The following ZKSCAN7 variants were observed in gnomAD, a reference collection of about 807,000 sequenced individuals.
The protein encoded by ZKSCAN7 is zinc finger with KRAB and SCAN domains 7.
In ZKSCAN7, 38 loss-of-function variants were observed where a neutral mutation model predicts 65.3. The ratio of observed to expected loss-of-function variants is 0.58; its 90% CI spans 0.45 to 0.76. The LOEUF is 0.76. Among genes scored for constraint, ZKSCAN7 ranks in the 30% least tolerant of loss-of-function variants. The pLI, the probability that ZKSCAN7 is intolerant of heterozygous loss-of-function variation, is 0.00. For missense variants in ZKSCAN7, 815 were observed against 913.3 expected (o/e 0.89, Z 1.39); for synonymous variants, 321 against 321.0 (o/e 1.00, Z 0.00).
chr3:44,580,588 C>A (rs1700049685), intron 5 of ZKSCAN7: 8 of 1,613,772 alleles, frequency 5.0e-6, no homozygotes, highest in Non-Finnish European at 5.9e-6. Context: ...CGGGGATAGA[C>A]CATGAGCATC....
At position 44,571,176 on chromosome 3, in the gene ZKSCAN7, A is replaced by G; in HGVS notation, c.2066A>G (p.Lys689Arg). The change falls in exon 6 of 6, where the codon AAA becomes AGA. Residue 689 changes from lysine (K) to arginine (R), a missense_variant. Transcript: ENST00000426540. ...MVHQRTHTGE[K>R]PYKCNDCGKA... ...CATCAGAGAACCCATACTGGGGAAA[A>G]ACCCTATAAATGCAATGATTGTGGG... 1 of 1,614,190 alleles carries G rather than the reference A, an allele frequency of 6.2e-7. No individual in the cohort carries two copies. Among genetic ancestry groups the G allele is most frequent in the Non-Finnish European group, 8.5e-7 (1 of 1,180,030 alleles).
chr3:44,560,506 CTTTTTTTTTTTTT>C (rs33986362), intron 2 of ZKSCAN7, among the ~76,000 whole-genome samples: 7 of 108,404 alleles, frequency 6.5e-5, no homozygotes, highest in African/African-American at 2.7e-4. Flanking sequence ...TTTCCTGTAT[CTTTTTTTTTTTTT>C]TTTTTTTTTT....
At position 44,570,108 on chromosome 3, in the gene ZKSCAN7, G is replaced by C. The variant is rs751929004; in HGVS notation, c.998G>C (p.Arg333Thr). 2.5e-6 allele frequency: 4 copies of C among 1,613,786 alleles called. No homozygotes were observed. The African/African-American group carries it at 4.0e-5, about 16-fold the overall frequency. Residue 333 changes from arginine (R) to threonine (T), a missense_variant, in exon 6 of 6, where the codon AGA (arginine) becomes ACA (threonine). By Grantham distance (71) the Arg-to-Thr change is moderately conservative. This residue lies in a region of ZKSCAN7 where 578 missense variants were observed against 629.5 expected (regional missense o/e 0.92). Coordinates refer to ENST00000426540, the MANE Select transcript of ZKSCAN7 (RefSeq NM_001288590.2). ...EGQTSDEEGS[R>T]LENDFLEITD... ...CAAACCTCAGATGAAGAAGGGAGCA[G>C]ACTAGAAAATGATTTCTTGGAAATA...
At chr3:44,580,648 C>G (rs888686078) in intron 5 of ZKSCAN7, 1 of 1,613,950 alleles carries the variant, frequency 6.2e-7, no homozygotes, top group Admixed American at 1.7e-5. Flanking sequence ...ATGAAATGCT[C>G]CTTCTCAGGC....
At chr3:44,580,584 T>C in intron 5 of ZKSCAN7, 1 of 1,613,934 alleles carries the variant, frequency 6.2e-7, no homozygotes, top group Non-Finnish European at 8.5e-7. Context: ...GGTCCGGGGA[T>C]AGACCATGAG....
chr3:44,565,475 C>A lies in ZKSCAN7; in HGVS notation c.424-12C>A. Reference sequence around the variant, plus strand: ...TGCTCTTTTGAACCCAATTGTATTTCCCTCTCTCTAGGTTTCAGCCCCAGC... The same window carrying A: ...TGCTCTTTTGAACCCAATTGTATTTACCTCTCTCTAGGTTTCAGCCCCAGC... On this transcript the variant is annotated splice_polypyrimidine_tract_variant and intron_variant, in intron 2 of 5. Transcript: ENST00000426540. 2 of 1,592,568 alleles carry A rather than the reference C, an allele frequency of 1.3e-6. No individual in the cohort carries two copies. Among genetic ancestry groups the A allele is most frequent in the South Asian group, 1.1e-5 (1 of 87,392 alleles).
At chr3:44,556,403 C>A (rs1254791845) in intron 1 of ZKSCAN7, among the ~76,000 whole-genome samples, 2 of 152,204 alleles carry the variant, frequency 1.3e-5, no homozygotes. Flanking sequence ...TGTGTGGCTT[C>A]TAAGTGTGTC....
At chr3:44,581,244 C>T (rs914154896) in intron 5 of ZKSCAN7, among the ~76,000 whole-genome samples, 28 of 148,244 alleles carry the variant, frequency 1.9e-4, no homozygotes, top group African/African-American at 6.8e-4. Flanking sequence ...ACCGCCGCCG[C>T]CCAGCCGCCG....
chr3:44,556,917 C>CT lies in ZKSCAN7; in HGVS notation c.-118-11dup, dbSNP rs1329509265. 8.2e-7 allele frequency: 1 copy of CT among 1,219,030 alleles called. No individual in the cohort carries two copies. The highest frequency in any genetic ancestry group is 1.2e-6 in the Non-Finnish European group (1 of 848,342). The allele number at this position is 1,219,030 out of a possible 1,614,324, so 75.5% of individuals were successfully genotyped here. On this transcript the variant is annotated splice_polypyrimidine_tract_variant and intron_variant, in intron 1 of 5. Coordinates refer to ENST00000426540, the MANE Select transcript of ZKSCAN7 (RefSeq NM_001288590.2). ...ATACTCCAAGAACTCTGATTTCACT[C>CT]TTGTTTCTGTAGGCCACACTACCAT...
At position 44,570,064 on chromosome 3, in the gene ZKSCAN7, T is replaced by C; in HGVS notation, c.954T>C (p.Thr318=). 1 of 1,613,998 alleles carries C rather than the reference T, an allele frequency of 6.2e-7. No individual in the cohort carries two copies. Among genetic ancestry groups the C allele is most frequent in the South Asian group, 1.1e-5 (1 of 91,040 alleles). ...AAETGDVCED[T]FKELEGQTSD... is the part of the protein sequence containing the mutation. ...AGACTGGAGATGTTTGTGAAGATAC[T>C]TTCAAGGAGTTAGAAGGACAAACCT... The change falls in exon 6 of 6, where the codon ACT becomes ACC. Residue 318 remains threonine, a synonymous_variant. Coordinates refer to ENST00000426540, the MANE Select transcript of ZKSCAN7 (RefSeq NM_001288590.2).
chr3:44,562,196 A>T (rs1452557752), intron 2 of ZKSCAN7, among the ~76,000 whole-genome samples: 1 of 152,198 alleles, frequency 6.6e-6, no homozygotes, highest in Non-Finnish European at 1.5e-5. Flanking sequence ...GCCCAACAAC[A>T]TGTGAAAGCT....
intron 1 of ZKSCAN7, among the ~76,000 whole-genome samples, chr3:44,556,425 A>G (rs1699296210): frequency 6.6e-6 from 1 of 152,252 alleles, no homozygotes; most frequent in Admixed American, 6.5e-5. Context: ...CTAGAGCTTT[A>G]GCTCCAAACT....
chr3:44,577,105 A>G (rs985607983), downstream of ZKSCAN7, among the ~76,000 whole-genome samples: 2 of 152,062 alleles, frequency 1.3e-5, no homozygotes, highest in African/African-American at 2.4e-5. Context: ...TTAGGACTAC[A>G]GGCGCATGTT....
chr3:44,569,729 C>G (rs1699738299), intron 5 of ZKSCAN7, among the ~76,000 whole-genome samples, 193 bp from the exon 6 acceptor site: 1 of 152,178 alleles, frequency 6.6e-6, no homozygotes, highest in African/African-American at 2.4e-5. Flanking sequence ...CCACCTTCCC[C>G]TTCCTTGTTT....
chr3:44,580,541 C>T, intron 5 of ZKSCAN7: 1 of 1,613,710 alleles, frequency 6.2e-7, no homozygotes. Flanking sequence ...TGGGGGGCTC[C>T]ACTTTCCATT....
rs138555143 is a variant in ZKSCAN7 at position 44,558,290 on chromosome 3, C to T, written c.423+820C>T. On this transcript the variant is annotated intron_variant, in intron 2 of 5. Coordinates refer to ENST00000426540, the MANE Select transcript of ZKSCAN7 (RefSeq NM_001288590.2). ...CTGTAATCCCAGCACTTTGGGAGGC[C>T]GAAGGGGGTGGATCACTTGAGGTCA... Among the ~76,000 whole-genome samples, 1,345 of 151,886 alleles carry T rather than the reference C, an allele frequency of 8.9e-3. 22 individuals are homozygous for T. Among genetic ancestry groups the T allele is most frequent in the African/African-American group, 0.031 (1,285 of 41,424 alleles).
In ZKSCAN7 at chr3:44,571,111, G is replaced by A; in HGVS notation, c.2001G>A (p.Glu667=). The A allele has an allele frequency of 6.2e-7, 1 of 1,614,086 alleles. No homozygotes were observed. Among genetic ancestry groups the A allele is most frequent in the Non-Finnish European group, 8.5e-7 (1 of 1,180,018 alleles). ...GTGAGAAACCCTATGAATGTAATGA[G>A]TGTGGGAAGGTATTCAGTTATAGCT... is the stretch of plus-strand genomic sequence containing the variant. ...HTGEKPYECN[E]CGKVFSYSSS... The change falls in exon 6 of 6, where the codon GAG becomes GAA. Residue 667 remains glutamate (E), a synonymous_variant. Coordinates refer to ENST00000426540, the MANE Select transcript of ZKSCAN7 (RefSeq NM_001288590.2).
At position 44,557,224 on chromosome 3, in the gene ZKSCAN7, A is replaced by G. The variant is rs543211414; in HGVS notation, c.177A>G (p.Gln59=). ...VCEIFRLHFR[Q]LCYHEMSGPQ... ...AAATCTTCCGGCTACACTTCAGGCA[A>G]TTGTGTTACCACGAGATGTCTGGGC... The change falls in exon 2 of 6, where the codon CAA becomes CAG. Residue 59 remains glutamine (Q), a synonymous_variant. Coordinates refer to ENST00000426540, the MANE Select transcript of ZKSCAN7 (RefSeq NM_001288590.2). The G allele has an allele frequency of 1.2e-5, 19 of 1,614,262 alleles. No homozygotes were observed. In the African/African-American group the frequency reaches 1.3e-4, roughly 11 times the overall value.
At chr3:44,579,827 C>T in intron 5 of ZKSCAN7, 1 of 1,612,770 alleles carries the variant, frequency 6.2e-7, no homozygotes. Flanking sequence ...GTGTTTCTTC[C>T]ACTGGCTGTC....
Sources: allele counts gnomAD v4.1 joint callset (sites outside exome capture counted in the v4.1 genomes callset), GRCh38; gene constraint gnomAD v4.1.1; regional missense constraint gnomAD v4.1.1; transcripts MANE v1.5; gene names NCBI Gene and HGNC (gene_info 2026-07-23, HGNC 2026-07-21).